DUSP14: variants seen among roughly 807,000 people sequenced by gnomAD.
The protein encoded by DUSP14 is dual specificity protein phosphatase 14.
In DUSP14, 5 loss-of-function variants were observed where a neutral mutation model predicts 13.2. That is an observed-to-expected ratio of 0.38 (90% CI 0.20 to 0.80). The LOEUF (loss-of-function observed/expected upper bound fraction) is 0.80. Ranked by LOEUF, DUSP14 falls within the 30% of genes least tolerant of loss-of-function variation. The pLI, the probability that DUSP14 is intolerant of heterozygous loss-of-function variation, is 0.44. For missense variants in DUSP14, 185 were observed against 264.0 expected (o/e 0.70, Z 2.07); for synonymous variants, 91 against 103.4 (o/e 0.88, Z 0.73).
rs747204742 is a variant in DUSP14, at chr17:37,512,296, G to A, written c.24G>A (p.Thr8=). 5.6e-6 allele frequency: 9 copies of A among 1,611,464 alleles called. No individual in the cohort carries two copies. The highest frequency in any genetic ancestry group is 2.2e-5 in the South Asian group (2 of 90,898). Residue 8 remains threonine, a synonymous_variant, in exon 3 of 3, where the codon ACG becomes ACA. Transcript: ENST00000617516. This position sits in a 1 kb window ranked among gnomAD's most constrained non-coding sequence, Gnocchi z 4.8. The part of the protein sequence containing the change: MSSRGHS[T]LPRTLMAPRM... ...TCATGAGCTCCAGAGGTCACAGCAC[G>A]CTACCAAGGACTCTCATGGCCCCTC...
chr17:37,495,987 A>G (rs1346877189), intron 1 of DUSP14, among the ~76,000 whole-genome samples: 1 of 152,224 alleles, frequency 6.6e-6, no homozygotes, highest in African/African-American at 2.4e-5. Context: ...GCACTTGTAA[A>G]AATAAAATCT....
At chr17:37,501,351 C>T (rs1027217630) in intron 1 of DUSP14, among the ~76,000 whole-genome samples, 2 of 152,118 alleles carry the variant, frequency 1.3e-5, no homozygotes, top group Non-Finnish European at 1.5e-5. Flanking sequence ...CTGCTGGAGC[C>T]GATTCGGTAG....
In DUSP14 at chr17:37,513,159, C is replaced by G. The variant is rs1192038068; in HGVS notation, c.*290C>G. The G allele has an allele frequency of 5.0e-6, 2 of 401,284 alleles. No homozygotes were observed. The allele number at this position is 401,284 out of a possible 1,614,324, so 24.9% of individuals were successfully genotyped here. A position where few individuals can be genotyped will look rare whatever the true frequency, so the allele number is the denominator to read the frequency against. ...CAGTTTAATAAACTGGTTCTGCTCT[C>G]TTCTGAATCTCATGCCTTTGGCACC... On this transcript the variant is annotated 3_prime_UTR_variant, in exon 3 of 3. Coordinates refer to ENST00000617516, the MANE Select transcript of DUSP14 (RefSeq NM_007026.4).
chr17:37,511,938 CT>C (rs58893696), intron 2 of DUSP14, among the ~76,000 whole-genome samples: 11 of 38,254 alleles, frequency 2.9e-4, no homozygotes, highest in Admixed American at 4.7e-4. Flanking sequence ...CCCCACCCCA[CT>C]TTTTTTTTTT....
rs552594443 is a variant in DUSP14 at position 37,501,010 on chromosome 17, A to G, written c.-180-9667A>G. Among the ~76,000 whole-genome samples, 4 of 151,736 alleles carry G rather than the reference A, an allele frequency of 2.6e-5. No homozygotes were observed. In the South Asian group the frequency reaches 6.2e-4, roughly 24 times the overall value. On this transcript the variant is annotated intron_variant, in intron 1 of 2. Transcript: ENST00000617516. ...GATGGATCCATTGTGGTCCAATTGT[A>G]TGACTGAGCCACAAATAGACAACTC...
chr17:37,503,547 G>A (rs574803857), intron 1 of DUSP14, among the ~76,000 whole-genome samples: 3 of 152,208 alleles, frequency 2.0e-5, no homozygotes, highest in Non-Finnish European at 4.4e-5. Context: ...GGTGTTGACC[G>A]CATTATATAA....
At chr17:37,492,526 C>T (rs2054035660) in intron 1 of DUSP14, among the ~76,000 whole-genome samples, 1 of 152,074 alleles carries the variant, frequency 6.6e-6, no homozygotes, top group Non-Finnish European at 1.5e-5. Flanking sequence ...ATACATTTAC[C>T]GAGGACTTTT....
intron 1 of DUSP14, among the ~76,000 whole-genome samples, chr17:37,500,791 TTG>T: frequency 6.6e-6 from 1 of 152,182 alleles, no homozygotes; most frequent in East Asian, 1.9e-4. Context: ...GAGCTTTTTA[TTG>T]GATATTTCAC....
intron 2 of DUSP14, among the ~76,000 whole-genome samples, chr17:37,511,413 T>C (rs776035010): frequency 1.1e-4 from 16 of 152,006 alleles, no homozygotes; most frequent in Middle Eastern, 6.3e-3. Flanking sequence ...CCCGAGTAGC[T>C]GGGATTACAG....
Position 37,498,428 on chromosome 17 carries a change from G to A in DUSP14, c.-181+8470G>A, listed in dbSNP as rs1174026488. Among the ~76,000 whole-genome samples the A allele has an allele frequency of 1.1e-4, 15 of 139,110 alleles. No homozygotes were observed. The East Asian group carries it at 1.8e-3, about 17-fold the overall frequency. The allele number at this position is 139,110 out of a possible 152,430, so 91.3% of individuals were successfully genotyped here. On this transcript the variant is annotated intron_variant, in intron 1 of 2. Coordinates refer to ENST00000617516, the MANE Select transcript of DUSP14 (RefSeq NM_007026.4). ...TGCAAGCTCCGCCTCCCCGGTTCAC[G>A]CCATTCTCCTGCCTCAGCCTCCCCA... is the stretch of plus-strand genomic sequence containing the variant.
chr17:37,498,873 G>A (rs1315531388), intron 1 of DUSP14, among the ~76,000 whole-genome samples: 1 of 152,050 alleles, frequency 6.6e-6, no homozygotes, highest in African/African-American at 2.4e-5. Context: ...TAGGTCTGGG[G>A]TGGGGTCTAG....
chr17:37,496,396 A>G (rs1249700068), intron 1 of DUSP14, among the ~76,000 whole-genome samples: 1 of 152,050 alleles, frequency 6.6e-6, no homozygotes, highest in African/African-American at 2.4e-5. Context: ...CTTGAGGTCA[A>G]AAGTTCAATC....
chr17:37,493,387 C>G (rs2143046275), intron 1 of DUSP14, among the ~76,000 whole-genome samples: 1 of 152,344 alleles, frequency 6.6e-6, no homozygotes, highest in Middle Eastern at 3.4e-3. Flanking sequence ...ATACCTTCAG[C>G]TTTACTAGTT....
intron 1 of DUSP14, among the ~76,000 whole-genome samples, chr17:37,509,563 C>G (rs1210184447): frequency 2.6e-5 from 4 of 151,750 alleles, no homozygotes; most frequent in Admixed American, 2.6e-4. Context: ...CTCAAGTGAT[C>G]CACCCGCCTC....
At chr17:37,500,227 A>C (rs1034585016) in intron 1 of DUSP14, among the ~76,000 whole-genome samples, 2 of 152,254 alleles carry the variant, frequency 1.3e-5, no homozygotes, top group Non-Finnish European at 2.9e-5. Flanking sequence ...ATTTGGTATA[A>C]AATCACTAAA....
At chr17:37,511,081 G>A (rs1057395343) in intron 2 of DUSP14, among the ~76,000 whole-genome samples, 3 of 152,056 alleles carry the variant, frequency 2.0e-5, no homozygotes, top group East Asian at 1.9e-4. Context: ...ACGTTCAGAC[G>A]TTAAAAGCCA....
intron 1 of DUSP14, among the ~76,000 whole-genome samples, chr17:37,492,186 A>G (rs557405952): frequency 6.6e-6 from 1 of 152,294 alleles, no homozygotes; most frequent in East Asian, 1.9e-4. Context: ...AAGTAGTAGA[A>G]TCATTACGAT....
At chr17:37,495,468 G>T (rs556743440) in intron 1 of DUSP14, among the ~76,000 whole-genome samples, 386 of 152,058 alleles carry the variant, frequency 2.5e-3, no homozygotes, top group Non-Finnish European at 2.8e-3. Flanking sequence ...AAGTTTTTTT[G>T]TTTGTTTGTT....
upstream of DUSP14, among the ~76,000 whole-genome samples, chr17:37,489,348 T>C (rs116514205): frequency 0.016 from 2,457 of 152,106 alleles, 57 homozygotes; most frequent in African/African-American, 0.054. Flanking sequence ...CGGCTGCCCG[T>C]ACCTGTTCCA....
Sources: gnomAD v4.1 joint callset for allele counts (sites outside exome capture counted in the v4.1 genomes callset) on GRCh38, gnomAD v4.1.1 for gene constraint, Gnocchi (gnomAD v3.1) non-coding constraint, MANE v1.5 for transcripts, NCBI Gene and HGNC (gene_info 2026-07-23, HGNC 2026-07-21) for gene names.